MGAT4D: variants seen among roughly 807,000 people sequenced by gnomAD.
The protein encoded by MGAT4D is alpha-1,3-mannosyl-glycoprotein 4-beta-N-acetylglucosaminyltransferase-like protein MGAT4D.
Under a neutral mutation model 15.9 loss-of-function variants are expected in MGAT4D, and 34 were observed. That is an observed-to-expected ratio of 2.14 (90% CI 1.62 to 2.84). The LOEUF (loss-of-function observed/expected upper bound fraction) is 2.84, where lower values mean the gene tolerates loss of function less well. Ranked by LOEUF, MGAT4D falls within the 30% of genes most tolerant of loss-of-function variation. MGAT4D has a pLI of 0.00. For synonymous variants in MGAT4D, 112 were observed against 48.2 expected (o/e 2.33, Z -5.49); for missense variants, 327 against 140.2 (o/e 2.33, Z -6.73).
At chr4:140,452,346 C>G (rs1730527313) in intron 9 of MGAT4D, among the ~76,000 whole-genome samples, 1 of 151,918 alleles carries the variant, frequency 6.6e-6, no homozygotes, top group African/African-American at 2.4e-5. Context: ...CATTTCTACC[C>G]AGTACTAATA....
chr4:140,467,016 T>C lies in MGAT4D; in HGVS notation c.573-2007A>G, dbSNP rs1185882714. ...TTCCTCATCTGTAAAACTGGAATAG[T>C]AACTTAAAAACTTGGGGGGAAAGAA... On this transcript the variant is annotated intron_variant, in intron 5 of 10. Transcript: ENST00000511113. Among the ~76,000 whole-genome samples, 3 of 152,128 alleles carry C rather than the reference T, an allele frequency of 2.0e-5. No individual in the cohort carries two copies. The South Asian group carries it at 6.2e-4, about 31-fold the overall frequency.
chr4:140,465,321 A>C (rs1011141049), intron 5 of MGAT4D, among the ~76,000 whole-genome samples: 1 of 152,230 alleles, frequency 6.6e-6, no homozygotes, highest in Non-Finnish European at 1.5e-5. Flanking sequence ...GATTATGAGA[A>C]CACAGTGACT....
intron 9 of MGAT4D, among the ~76,000 whole-genome samples, chr4:140,454,915 T>G (rs1366186653): frequency 1.3e-5 from 2 of 151,108 alleles, no homozygotes; most frequent in Non-Finnish European, 2.9e-5. Context: ...CCTTTTAGTA[T>G]CTGTGGAGTA....
intron 5 of MGAT4D, among the ~76,000 whole-genome samples, chr4:140,469,143 T>C (rs1344991496): frequency 6.6e-6 from 1 of 152,216 alleles, no homozygotes. Context: ...TTACTGATAA[T>C]AGTCTACATT....
chr4:140,478,687 C>T (rs980690135), intron 3 of MGAT4D, among the ~76,000 whole-genome samples: 2 of 150,770 alleles, frequency 1.3e-5, no homozygotes, highest in African/African-American at 4.9e-5. Context: ...AATAGATAAA[C>T]GATGTCATCA....
Position 140,464,915 on chromosome 4 carries a change from C to T in MGAT4D, c.667G>A (p.Ala223Thr). 1.4e-6 allele frequency: 1 copy of T among 702,408 alleles called. No homozygotes were observed. The highest frequency in any genetic ancestry group is 2.6e-6 in the Non-Finnish European group (1 of 384,664). 43.5% of individuals were successfully genotyped at this position (702,408 alleles called of 1,614,324 possible). Reference sequence around the variant, plus strand: ...ACATACCTGGCTAATTTTTGTGAGGCCTCAGCTAAGTGCTTGGCATTTAAC... The same window carrying T: ...ACATACCTGGCTAATTTTTGTGAGGTCTCAGCTAAGTGCTTGGCATTTAAC... ...SMLNAKHLAEASQKLASWRIK... is the reference protein window; with the variant it reads ...SMLNAKHLAETSQKLASWRIK... Residue 223 changes from alanine to threonine, a missense_variant, in exon 6 of 11, where the codon GCC becomes ACC. Transcript: ENST00000511113.
At chr4:140,470,887 A>ATT (rs776418118) in intron 5 of MGAT4D, among the ~76,000 whole-genome samples, 23,971 of 142,860 alleles carry the variant, frequency 0.17, 2,414 homozygotes, top group East Asian at 0.4. Flanking sequence ...TTATTTTATA[A>ATT]TTTTTTTTTT....
chr4:140,476,240 C>T (rs1732325227), intron 3 of MGAT4D, among the ~76,000 whole-genome samples: 1 of 151,974 alleles, frequency 6.6e-6, no homozygotes, highest in African/African-American at 2.4e-5. Flanking sequence ...AATACGAACC[C>T]CTTGTCAGTT....
intron 5 of MGAT4D, among the ~76,000 whole-genome samples, chr4:140,467,582 C>A (rs1685572396): frequency 6.6e-6 from 1 of 152,072 alleles, no homozygotes; most frequent in South Asian, 2.1e-4. Context: ...CTGTTTTAAG[C>A]AAGATACTTG....
intron 1 of MGAT4D, among the ~76,000 whole-genome samples, chr4:140,490,290 T>C (rs1434577727): frequency 6.6e-6 from 1 of 152,168 alleles, no homozygotes; most frequent in South Asian, 2.1e-4. Context: ...ACCTTGTAGG[T>C]GTAGCAGAGC....
intron 5 of MGAT4D, among the ~76,000 whole-genome samples, chr4:140,469,380 A>G (rs897433895): frequency 6.6e-6 from 1 of 152,212 alleles, no homozygotes; most frequent in African/African-American, 2.4e-5. Context: ...AATAAGCACA[A>G]TGGTATTATT....
intron 1 of MGAT4D, among the ~76,000 whole-genome samples, chr4:140,495,819 C>A (rs1733800751): frequency 6.6e-6 from 1 of 152,178 alleles, no homozygotes; most frequent in Non-Finnish European, 1.5e-5. Context: ...TCACTGCAAC[C>A]TCTGTCTCCT....
At chr4:140,462,037 G>A (rs1731222631) in intron 6 of MGAT4D, 33 bp from the exon 7 acceptor site, 1 of 690,160 alleles carries the variant, frequency 1.4e-6, no homozygotes, top group Non-Finnish European at 2.6e-6. Flanking sequence ...GTTAATATTT[G>A]TCATTATTAA....
At chr4:140,480,574 T>C (rs552431167) in intron 2 of MGAT4D, among the ~76,000 whole-genome samples, 2 of 152,264 alleles carry the variant, frequency 1.3e-5, no homozygotes, top group Admixed American at 1.3e-4. Context: ...TGAAAGAAAG[T>C]ATTTCCAAAT....
At chr4:140,455,661 T>C (rs1009953754) in intron 9 of MGAT4D, among the ~76,000 whole-genome samples, 4 of 152,206 alleles carry the variant, frequency 2.6e-5, no homozygotes, top group Non-Finnish European at 5.9e-5. Flanking sequence ...GAGAGGACAG[T>C]TGAAATCTCC....
rs1212406799 is a variant in MGAT4D at position 140,498,119 on chromosome 4, C to G, written c.94+10G>C. On this transcript the variant is annotated intron_variant, in intron 1 of 10. Transcript: ENST00000511113. Reference sequence around the variant, plus strand: ...CGGGAAAGGAGGCGGGAGGAGGGCCCGCCGCTTACTGGTTTGAGTTATCCT... The same window carrying G: ...CGGGAAAGGAGGCGGGAGGAGGGCCGGCCGCTTACTGGTTTGAGTTATCCT... 7.2e-6 allele frequency: 5 copies of G among 697,054 alleles called. No individual in the cohort carries two copies. The highest frequency in any genetic ancestry group is 1.3e-5 in the Non-Finnish European group (5 of 382,414). The allele number at this position is 697,054 out of a possible 1,614,324, so 43.2% of individuals were successfully genotyped here. A position where few individuals can be genotyped will look rare whatever the true frequency, so the allele number is the denominator to read the frequency against.
intron 10 of MGAT4D, among the ~76,000 whole-genome samples, chr4:140,450,375 A>G (rs186405685): frequency 2.1e-4 from 32 of 152,360 alleles, no homozygotes; most frequent in Non-Finnish European, 2.9e-4. Context: ...AGAATGGTAT[A>G]GACCAATCTA....
chr4:140,481,776 G>A (rs1323600731), intron 2 of MGAT4D, among the ~76,000 whole-genome samples: 1 of 152,232 alleles, frequency 6.6e-6, no homozygotes, highest in Non-Finnish European at 1.5e-5. Context: ...GATCTGAGCA[G>A]TGGTTGCCAG....
At chr4:140,487,212 ATGAAATGT>A (rs1264148747) in intron 1 of MGAT4D, among the ~76,000 whole-genome samples, 1 of 152,236 alleles carries the variant, frequency 6.6e-6, no homozygotes, top group Non-Finnish European at 1.5e-5. Context: ...TTTAGTGAGG[ATGAAATGT>A]TATAACACTA....
Sources: gnomAD v4.1 joint callset for allele counts (sites outside exome capture counted in the v4.1 genomes callset) on GRCh38, gnomAD v4.1.1 for gene constraint, MANE v1.5 for transcripts, NCBI Gene and HGNC (gene_info 2026-07-23, HGNC 2026-07-21) for gene names.